Variants in EIF4G2 observed in about 807,000 individuals in gnomAD.
EIF4G2 encodes eukaryotic translation initiation factor 4 gamma 2.
In EIF4G2, 8 loss-of-function variants were observed where a neutral mutation model predicts 117.7. The ratio of observed to expected loss-of-function variants is 0.07; its 90% confidence interval spans 0.04 to 0.12. EIF4G2 has a LOEUF of 0.12. EIF4G2 is among the 10% of genes least tolerant of loss of function. The probability of loss-of-function intolerance (pLI) is 1.00; values close to 1 mark genes in which losing one functional copy is unlikely to be tolerated. For synonymous variants in EIF4G2, 413 were observed against 367.8 expected, an observed-to-expected ratio of 1.12 and a Z score of -1.41; for missense variants, 812 against 1,086.2, an observed-to-expected ratio of 0.75 and a Z score of 3.55.
rs766557150 is a variant in EIF4G2 at position 10,801,732 on chromosome 11, A to G, written c.1342T>C (p.Ser448Pro). ...TCCTTCGACTGTCCTTGCAGCTGGG[A>G]TAAGAGTCCCTGACTCTGGTTATGG... Residue 448 changes from serine to proline, a missense_variant, in exon 14 of 22, where the codon TCC (serine) becomes CCC (proline). By Grantham distance (74) the Ser-to-Pro change is moderately conservative. Around this residue, in one of 4 missense-constraint regions of EIF4G2, gnomAD observed 571 missense variants for 642.3 expected, o/e 0.89. Transcript: ENST00000339995. 11 of 1,614,040 alleles carry G rather than the reference A, an allele frequency of 6.8e-6. No individual in the cohort carries two copies. Among genetic ancestry groups the G allele is most frequent in the African/African-American group, 4.0e-5 (3 of 74,914 alleles).
Position 10,806,122 on chromosome 11 carries a change from A to G in EIF4G2, c.108-75T>C, listed in dbSNP as rs569163253. 33 of 1,594,182 alleles carry G rather than the reference A, an allele frequency of 2.1e-5. 1 individual carries two copies. In the South Asian group the frequency reaches 3.2e-4, roughly 16 times the overall value. On this transcript the variant is annotated intron_variant, in intron 3 of 21. Coordinates refer to ENST00000339995, the MANE Select transcript of EIF4G2 (RefSeq NM_001418.4). ...AAACATCATAAATTCTCTTACATAG[A>G]AAAAAGTAATTTAGGCTTTCTCGAC... is the stretch of plus-strand genomic sequence containing the variant.
In EIF4G2 at chr11:10,807,333, A is replaced by G. The variant is rs764747271; in HGVS notation, c.-38T>C. 1 of 1,610,016 alleles carries G rather than the reference A, an allele frequency of 6.2e-7. No individual in the cohort carries two copies. Among genetic ancestry groups the G allele is most frequent in the East Asian group, 2.2e-5 (1 of 44,740 alleles). ...ACAACGAAGAATCTTCAAAAGAATA[A>G]TATTAATAGATGGGGTGGGGAGGGG... On this transcript the variant is annotated 5_prime_UTR_variant, in exon 2 of 22. Coordinates refer to ENST00000339995, the MANE Select transcript of EIF4G2 (RefSeq NM_001418.4).
chr11:10,803,830 T>C lies in EIF4G2; in HGVS notation c.702+69A>G, dbSNP rs1847490589. Reference sequence around the variant, plus strand: ...GTATTTAACTAGTCAACCTCCCTCTTAGATGAATAATTGACTCATTTCCTC... The same window carrying C: ...GTATTTAACTAGTCAACCTCCCTCTCAGATGAATAATTGACTCATTTCCTC... On this transcript the variant is annotated intron_variant, in intron 8 of 21. Coordinates refer to ENST00000339995, the MANE Select transcript of EIF4G2 (RefSeq NM_001418.4). The surrounding 1 kb of genome is among the most constrained non-coding windows in gnomAD (Gnocchi z 4.0). 1 of 1,543,936 alleles carries C rather than the reference T, an allele frequency of 6.5e-7. No homozygotes were observed. Among genetic ancestry groups the C allele is most frequent in the Non-Finnish European group, 8.8e-7 (1 of 1,139,940 alleles).
intron 1 of EIF4G2, chr11:10,808,393 C>G (rs1847657378): frequency 8.0e-7 from 1 of 1,248,822 alleles, no homozygotes; most frequent in Non-Finnish European, 1.0e-6. Context: ...GTCCGAGCCA[C>G]GCTCCCTCGC....
chr11:10,807,568 C>G, intron 1 of EIF4G2, 187 bp from the exon 2 acceptor site: 1 of 1,255,938 alleles, frequency 8.0e-7, no homozygotes, highest in Admixed American at 4.0e-5. Flanking sequence ...CCCCGGTGTT[C>G]AAGGATGCAA....
At chr11:10,798,725 A>G (rs1038906483) in intron 21 of EIF4G2, 10 of 283,898 alleles carry the variant, frequency 3.5e-5, no homozygotes, top group Admixed American at 1.4e-4. Flanking sequence ...GCTTAAATCG[A>G]AACTTGTACA....
Position 10,800,237 on chromosome 11 carries a change from T to G in EIF4G2, c.1972A>C (p.Ile658Leu). Reference sequence around the variant, plus strand: ...TCTAGTGGTTGAGCTAGTTCTGAAATGCTCACCAGCTCTGAAATGATGGCA... The same window carrying G: ...TCTAGTGGTTGAGCTAGTTCTGAAAGGCTCACCAGCTCTGAAATGATGGCA... The change falls in exon 18 of 22, where the codon ATT (isoleucine) becomes CTT (leucine). Residue 658 changes from isoleucine to leucine, a missense_variant. By Grantham distance (5) the Ile-to-Leu change is conservative (BLOSUM62 2). Transcript: ENST00000339995. The G allele has an allele frequency of 6.2e-7, 1 of 1,614,186 alleles. No individual in the cohort carries two copies. Among genetic ancestry groups the G allele is most frequent in the Non-Finnish European group, 8.5e-7 (1 of 1,180,022 alleles).
rs760033276 is a variant in EIF4G2 at position 10,807,312 on chromosome 11, C to T, written c.-17G>A. 20 of 1,612,636 alleles carry T rather than the reference C, an allele frequency of 1.2e-5. No homozygotes were observed. In the South Asian group the frequency reaches 2.2e-4, roughly 18 times the overall value. On this transcript the variant is annotated 5_prime_UTR_variant, in exon 2 of 22. Transcript: ENST00000339995. The stretch of plus-strand genomic sequence containing the variant: ...ACTCTCCACTTTGGCGGCTTGACAA[C>T]GAAGAATCTTCAAAAGAATAATATT...
At chr11:10,808,367 C>T (rs1432479561) in intron 1 of EIF4G2, 2 of 1,215,970 alleles carry the variant, frequency 1.6e-6, no homozygotes, top group Admixed American at 3.1e-5. Flanking sequence ...GCGTGCCTCC[C>T]GCCACGGCGC....
intron 17 of EIF4G2, 23 bp from the exon 18 acceptor site, chr11:10,800,371 TTA>T: frequency 6.2e-7 from 1 of 1,612,678 alleles, no homozygotes; most frequent in East Asian, 2.2e-5. Context: ...ATACAACAGT[TTA>T]TCAGTTTTCG....
At position 10,803,259 on chromosome 11, in the gene EIF4G2, G is replaced by A; in HGVS notation, c.849C>T (p.Ser283=). 1 of 1,614,020 alleles carries A rather than the reference G, an allele frequency of 6.2e-7. No individual in the cohort carries two copies. ...CTGGCAATTCCTTACTTAACATCAA[G>A]GAGCACATTCGGGCAAAGTACTGAT... The change falls in exon 10 of 22, where the codon TCC becomes TCT. Residue 283 remains serine, a synonymous_variant. Transcript: ENST00000339995. This position sits in a 1 kb window ranked among gnomAD's most constrained non-coding sequence, Gnocchi z 4.0.
rs1268999365 is a variant in EIF4G2, at chr11:10,807,311, A to G, written c.-16T>C. ...CACTCTCCACTTTGGCGGCTTGACA[A>G]CGAAGAATCTTCAAAAGAATAATAT... On this transcript the variant is annotated 5_prime_UTR_variant, in exon 2 of 22. Coordinates refer to ENST00000339995, the MANE Select transcript of EIF4G2 (RefSeq NM_001418.4). 5.6e-6 allele frequency: 9 copies of G among 1,612,816 alleles called. No homozygotes were observed. The highest frequency in any genetic ancestry group is 7.6e-6 in the Non-Finnish European group (9 of 1,179,396).
At chr11:10,802,908 C>T in intron 11 of EIF4G2, 122 bp downstream of exon 11, 1 of 801,692 alleles carries the variant, frequency 1.2e-6, no homozygotes, top group Non-Finnish European at 1.9e-6. Flanking sequence ...ACACTAAAAA[C>T]ATTAAGCTCC....
chr11:10,805,493 C>T (rs141294942), intron 4 of EIF4G2, among the ~76,000 whole-genome samples: 1 of 152,260 alleles, frequency 6.6e-6, no homozygotes, highest in East Asian at 1.9e-4. Flanking sequence ...GCTCTGCACC[C>T]AGGCTGGAGT....
Position 10,797,989 on chromosome 11 carries a change from C to A in EIF4G2, c.2659-108G>T. On this transcript the variant is annotated intron_variant, in intron 21 of 21. Transcript: ENST00000339995. This position sits in a 1 kb window ranked among gnomAD's most constrained non-coding sequence, Gnocchi z 4.5. ...TTTTAGAATATGAAACAAGGATATC[C>A]CTACCAACAATTTGTATATTAAGTT... 1.0e-6 allele frequency: 1 copy of A among 957,062 alleles called. No homozygotes were observed. The highest frequency in any genetic ancestry group is 1.6e-6 in the Non-Finnish European group (1 of 617,934). The allele number at this position is 957,062 out of a possible 1,614,324, so 59.3% of individuals were successfully genotyped here. A position where few individuals can be genotyped will look rare whatever the true frequency, so the allele number is the denominator to read the frequency against.
chr11:10,798,981 A>G lies in EIF4G2; in HGVS notation c.2658+11T>C, dbSNP rs777143716. 5 of 1,586,402 alleles carry G rather than the reference A, an allele frequency of 3.2e-6. No homozygotes were observed. The highest frequency in any genetic ancestry group is 4.3e-6 in the Non-Finnish European group (5 of 1,172,376). ...GAAGTAAGCAGACCAAATTTTTAAC[A>G]AAAGACTTACCTGGAACAAAGCCTT... On this transcript the variant is annotated intron_variant, in intron 21 of 21. Coordinates refer to ENST00000339995, the MANE Select transcript of EIF4G2 (RefSeq NM_001418.4).
At chr11:10,805,174 A>C (rs758212758) in intron 4 of EIF4G2, among the ~76,000 whole-genome samples, 159 bp from the exon 5 acceptor site, 7 of 152,220 alleles carry the variant, frequency 4.6e-5, no homozygotes, top group Non-Finnish European at 5.9e-5. Context: ...TGCTGAAATA[A>C]ACCTGTTATT....
At chr11:10,808,521 C>T (rs1365531272) in intron 1 of EIF4G2, 184 bp downstream of exon 1, 2 of 1,207,152 alleles carry the variant, frequency 1.7e-6, no homozygotes, top group Admixed American at 3.3e-5. Flanking sequence ...ACTCCGTCAG[C>T]AACAGGAAGA....
Position 10,802,424 on chromosome 11 carries a change from C to T in EIF4G2, c.1008G>A (p.Val336=). 1 of 1,606,028 alleles carries T rather than the reference C, an allele frequency of 6.2e-7. No individual in the cohort carries two copies. The highest frequency in any genetic ancestry group is 8.5e-7 in the Non-Finnish European group (1 of 1,177,136). Residue 336 remains valine, a synonymous_variant, in exon 12 of 22, where the codon GTG becomes GTA. Coordinates refer to ENST00000339995, the MANE Select transcript of EIF4G2 (RefSeq NM_001418.4). ...CTTGAGCCATAGGAGCAGGAATAAA[C>T]ACCCCTAGATCCTTTAGAAATGAAG...
Sources: allele counts gnomAD v4.1 joint callset (sites outside exome capture counted in the v4.1 genomes callset), GRCh38; gene constraint gnomAD v4.1.1; regional missense constraint gnomAD v4.1.1; non-coding constraint Gnocchi (gnomAD v3.1); transcripts MANE v1.5; gene names NCBI Gene and HGNC (gene_info 2026-07-23, HGNC 2026-07-21).